TECR: variants seen among roughly 807,000 people sequenced by gnomAD.
The protein encoded by TECR is trans-2,3-enoyl-CoA reductase.
Under a neutral mutation model 50.6 loss-of-function variants are expected in TECR, and 19 were observed. The observed-to-expected ratio is 0.38, with a 90% CI of 0.26 to 0.55. The LOEUF is 0.55. Ranked by LOEUF, TECR falls within the 20% of genes least tolerant of loss-of-function variation. The probability of loss-of-function intolerance (pLI) is 0.79; values close to 1 mark genes in which losing one functional copy is unlikely to be tolerated. For missense variants in TECR, 313 were observed against 408.3 expected, an observed-to-expected ratio of 0.77 and a Z score of 2.01; for synonymous variants, 168 against 163.5, an observed-to-expected ratio of 1.03 and a Z score of -0.21.
At position 14,565,908 on chromosome 19, in the gene TECR, G is replaced by C. The variant is rs1427065863; in HGVS notation, c.*37G>C. 2 of 1,553,500 alleles carry C rather than the reference G, an allele frequency of 1.3e-6. No homozygotes were observed. The highest frequency in any genetic ancestry group is 1.2e-5 in the South Asian group (1 of 85,538). On this transcript the variant is annotated 3_prime_UTR_variant, in exon 13 of 13. Coordinates refer to ENST00000215567, the MANE Select transcript of TECR (RefSeq NM_138501.6). ...TGCTGAGGCTCAGCCCCTCAACCCG[G>C]TGGCATTCTGGGGGAGGAGTGGGGC...
chr19:14,558,983 G>A (rs372371865), intron 1 of TECR, among the ~76,000 whole-genome samples: 10 of 151,380 alleles, frequency 6.6e-5, no homozygotes, highest in South Asian at 4.5e-4. Context: ...CTGGGCAGGC[G>A]TGTGTGTGTG....
intron 1 of TECR, chr19:14,529,944 G>C (rs2072561026): frequency 1.6e-6 from 1 of 620,138 alleles, no homozygotes; most frequent in East Asian, 2.8e-5. Context: ...TTTTTCTTGG[G>C]GGTCTCTGCA....
intron 1 of TECR, among the ~76,000 whole-genome samples, chr19:14,560,358 A>G (rs2073866901): frequency 1.3e-5 from 2 of 152,068 alleles, no homozygotes; most frequent in South Asian, 2.1e-4. Flanking sequence ...CTGCCTTCCT[A>G]CAGGCCACAC....
intron 1 of TECR, chr19:14,533,801 T>G (rs1335573939): frequency 6.6e-6 from 1 of 152,212 alleles, no homozygotes. Flanking sequence ...TGAAGCCGTC[T>G]TCTTAGAATA....
rs1305435732 is a variant in TECR, at chr19:14,564,059, C to G, written c.345C>G (p.His115Gln). 1 of 1,613,594 alleles carries G rather than the reference C, an allele frequency of 6.2e-7. No homozygotes were observed. Among genetic ancestry groups the G allele is most frequent in the Admixed American group, 1.7e-5 (1 of 59,964 alleles). The change falls in exon 6 of 13, where the codon CAC becomes CAG. Residue 115 changes from histidine to glutamine, a missense_variant. Physicochemically the swap from His to Gln is conservative, Grantham distance 24 (BLOSUM62 0). Transcript: ENST00000215567. ...FYFRVPFIYG[H>Q]KYDFTSSRHT... ...TCCGAGTGCCCTTCATCTATGGCCA[C>G]AAATATGACTTTACGTCCAGTCGGC...
At chr19:14,552,145 T>TTTTC (rs141646907) in intron 1 of TECR, among the ~76,000 whole-genome samples, 3,417 of 148,214 alleles carry the variant, frequency 0.023, 61 homozygotes, top group East Asian at 0.089. Context: ...GGCCTTTTTC[T>TTTTC]TTTCTTTCTT....
At chr19:14,546,130 G>A (rs1472813205) in intron 1 of TECR, among the ~76,000 whole-genome samples, 1 of 152,162 alleles carries the variant, frequency 6.6e-6, no homozygotes, top group Non-Finnish European at 1.5e-5. Context: ...TGCACCTGGG[G>A]TGGTCACAAA....
rs145643600 is a variant in TECR, at chr19:14,546,193, A to G, written c.16-16332A>G. Among the ~76,000 whole-genome samples the G allele has an allele frequency of 4.6e-5, 7 of 152,208 alleles. No individual in the cohort carries two copies. The East Asian group carries it at 1.4e-3, about 29-fold the overall frequency. The stretch of plus-strand genomic sequence containing the variant: ...GCGCTGGGGGCTACTCAGCTGGGAA[A>G]TCATTACAGACATTTCCGATCATAG... On this transcript the variant is annotated intron_variant, in intron 1 of 12. Coordinates refer to ENST00000215567, the MANE Select transcript of TECR (RefSeq NM_138501.6).
intron 1 of TECR, among the ~76,000 whole-genome samples, chr19:14,555,572 A>G (rs1410480999): frequency 1.3e-5 from 2 of 150,342 alleles, no homozygotes; most frequent in Admixed American, 6.7e-5. Context: ...CAGCCTCCCA[A>G]GTGGCTGGGA....
intron 1 of TECR, chr19:14,529,966 G>A (rs1346690540): frequency 3.1e-5 from 18 of 577,956 alleles, no homozygotes; most frequent in Non-Finnish European, 5.3e-5. Context: ...GGGCTGGGAC[G>A]CTTGCAGGTT....
chr19:14,546,014 C>T (rs999690875), intron 1 of TECR: 1 of 152,194 alleles, frequency 6.6e-6, no homozygotes, highest in Admixed American at 6.6e-5. Context: ...ACCCTGATCT[C>T]CCTTCCTGGC....
At chr19:14,544,498 G>T (rs1277298973) in intron 1 of TECR, among the ~76,000 whole-genome samples, 1 of 151,908 alleles carries the variant, frequency 6.6e-6, no homozygotes, top group East Asian at 1.9e-4. Flanking sequence ...CGGGGTGTGC[G>T]GCCATTCTAT....
intron 1 of TECR, among the ~76,000 whole-genome samples, chr19:14,557,737 C>G (rs980605531): frequency 2.0e-5 from 3 of 150,004 alleles, no homozygotes; most frequent in Admixed American, 6.7e-5. Flanking sequence ...CAGGCATGAG[C>G]CACCGTGCCC....
At position 14,565,914 on chromosome 19, in the gene TECR, T is replaced by C. The variant is rs2074069210; in HGVS notation, c.*43T>C. The C allele has an allele frequency of 6.4e-7, 1 of 1,551,058 alleles. No homozygotes were observed. Among genetic ancestry groups the C allele is most frequent in the Admixed American group, 1.9e-5 (1 of 51,928 alleles). On this transcript the variant is annotated 3_prime_UTR_variant, in exon 13 of 13. Transcript: ENST00000215567. ...GGCTCAGCCCCTCAACCCGGTGGCA[T>C]TCTGGGGGAGGAGTGGGGCCCACAG...
rs1430229677 is a variant in TECR, at chr19:14,551,952, T to C, written c.16-10573T>C. Among the ~76,000 whole-genome samples, 3 of 106,268 alleles carry C rather than the reference T, an allele frequency of 2.8e-5. No homozygotes were observed. In the Admixed American group the frequency reaches 2.9e-4, roughly 10 times the overall value. 69.7% of individuals were successfully genotyped at this position (106,268 alleles called of 152,430 possible). ...CTCTCTCTCTCCCTCCCTCCCTCTC[T>C]CTCTCTCTCTCTCTCTCTCTTTCTC... is the stretch of plus-strand genomic sequence containing the variant. On this transcript the variant is annotated intron_variant, in intron 1 of 12. Transcript: ENST00000215567.
intron 1 of TECR, among the ~76,000 whole-genome samples, chr19:14,533,420 C>CA (rs111743388): frequency 0.013 from 1,911 of 141,968 alleles, 18 homozygotes; most frequent in Middle Eastern, 0.022. Context: ...GACTCTGTCT[C>CA]AAAAAAAAAA....
In TECR at chr19:14,565,176, C is replaced by T. The variant is rs568532415; in HGVS notation, c.665-26C>T. On this transcript the variant is annotated intron_variant, in intron 10 of 12. Coordinates refer to ENST00000215567, the MANE Select transcript of TECR (RefSeq NM_138501.6). ...AGCTGGGCTGGGTGAGGGGGTCTGA[C>T]TTTCTCCTTCTGTCCTGCCTGCCAG... 39 of 1,613,900 alleles carry T rather than the reference C, an allele frequency of 2.4e-5. No homozygotes were observed. The South Asian group carries it at 4.0e-4, about 16-fold the overall frequency.
rs568873708 is a variant in TECR at position 14,558,865 on chromosome 19, C to G, written c.16-3660C>G. ...AGATGGGGCCAGAGCCTGCCACCTC[C>G]CCGTCTGTGCTCAGGATCCCCTGCC... On this transcript the variant is annotated intron_variant, in intron 1 of 12. Transcript: ENST00000215567. 2.0e-5 allele frequency among the ~76,000 whole-genome samples: 3 copies of G among 152,324 alleles called. No homozygotes were observed. In the East Asian group the frequency reaches 5.8e-4, roughly 29 times the overall value.
intron 1 of TECR, chr19:14,532,050 A>G (rs529497696): frequency 5.3e-5 from 8 of 151,528 alleles, no homozygotes; most frequent in African/African-American, 1.9e-4. Flanking sequence ...GTCCAGCTTG[A>G]AACATGCAGT....
Sources: gnomAD v4.1 joint callset for allele counts (sites outside exome capture counted in the v4.1 genomes callset) on GRCh38, gnomAD v4.1.1 for gene constraint, MANE v1.5 for transcripts, NCBI Gene and HGNC (gene_info 2026-07-23, HGNC 2026-07-21) for gene names.